CCDC149: variants seen among roughly 807,000 people sequenced by gnomAD.
The protein encoded by CCDC149 is coiled-coil domain-containing protein 149.
In CCDC149, 45 loss-of-function variants were observed where a neutral mutation model predicts 59.9. The observed-to-expected ratio is 0.75, with a 90% confidence interval of 0.59 to 0.96. CCDC149 has a LOEUF of 0.96. Ranked by LOEUF, CCDC149 falls within the 40% of genes least tolerant of loss-of-function variation. The pLI, the probability that CCDC149 is intolerant of heterozygous loss-of-function variation, is 0.00. For synonymous variants in CCDC149, 245 were observed against 260.6 expected, an observed-to-expected ratio of 0.94 and a Z score of 0.58; for missense variants, 584 against 664.7, an observed-to-expected ratio of 0.88 and a Z score of 1.33.
intron 3 of CCDC149, among the ~76,000 whole-genome samples, chr4:24,856,245 T>C (rs912057080): frequency 6.6e-6 from 1 of 152,228 alleles, no homozygotes; most frequent in African/African-American, 2.4e-5. Context: ...CAAATATTTA[T>C]TGGGCACCTG....
chr4:24,928,765 T>C (rs1722500756), intron 1 of CCDC149, among the ~76,000 whole-genome samples: 1 of 152,158 alleles, frequency 6.6e-6, no homozygotes, highest in Non-Finnish European at 1.5e-5. Flanking sequence ...GGTGCTGTCA[T>C]GGTCTTCACA....
At chr4:24,937,239 A>G (rs11938296) in intron 1 of CCDC149, among the ~76,000 whole-genome samples, 37,608 of 152,150 alleles carry the variant, frequency 0.25, 4,998 homozygotes, top group African/African-American at 0.35. Context: ...GGAGGGGTGG[A>G]AGGAGGTACA....
chr4:24,835,115 G>T, intron 7 of CCDC149, 83 bp from the exon 8 acceptor site: 1 of 890,058 alleles, frequency 1.1e-6, no homozygotes, highest in Non-Finnish European at 1.8e-6. Flanking sequence ...TCTCTCATCG[G>T]CCCACAAGAA....
chr4:24,938,559 G>T (rs1040114982), intron 1 of CCDC149, among the ~76,000 whole-genome samples: 20 of 152,186 alleles, frequency 1.3e-4, no homozygotes, highest in Non-Finnish European at 2.9e-5. Flanking sequence ...AGGACAGGGG[G>T]TGCAGTGCAC....
chr4:24,929,018 G>A (rs1722509328), intron 1 of CCDC149, among the ~76,000 whole-genome samples: 1 of 152,192 alleles, frequency 6.6e-6, no homozygotes, highest in South Asian at 2.1e-4. Context: ...TTTAAACAAA[G>A]AATCAGTGCC....
At chr4:24,890,128 T>C (rs1720444008) in intron 1 of CCDC149, among the ~76,000 whole-genome samples, 1 of 152,124 alleles carries the variant, frequency 6.6e-6, no homozygotes, top group Non-Finnish European at 1.5e-5. Context: ...GATGTGGGGT[T>C]TGCCACCATC....
intron 3 of CCDC149, among the ~76,000 whole-genome samples, chr4:24,860,340 C>A (rs1161978274): frequency 6.6e-6 from 1 of 151,968 alleles, no homozygotes; most frequent in Non-Finnish European, 1.5e-5. Context: ...ACATAAGGTA[C>A]GGAAAGGACA....
intron 1 of CCDC149, among the ~76,000 whole-genome samples, chr4:24,946,682 A>T (rs1723119104): frequency 6.6e-6 from 1 of 152,218 alleles, no homozygotes; most frequent in African/African-American, 2.4e-5. Flanking sequence ...CAGTCTAAGG[A>T]GTCCACAGTG....
chr4:24,954,937 C>G (rs957882610), intron 1 of CCDC149, among the ~76,000 whole-genome samples: 2 of 152,152 alleles, frequency 1.3e-5, no homozygotes, highest in African/African-American at 4.8e-5. Context: ...AAAATTTCTA[C>G]ATTCTGCTTC....
intron 1 of CCDC149, among the ~76,000 whole-genome samples, chr4:24,892,456 A>G (rs928697369): frequency 1.2e-4 from 19 of 152,238 alleles, no homozygotes; most frequent in Non-Finnish European, 5.9e-5. Context: ...GGATAACATC[A>G]GCACTGGTTG....
intron 1 of CCDC149, among the ~76,000 whole-genome samples, chr4:24,943,386 C>T (rs1229842364): frequency 4.0e-5 from 6 of 151,266 alleles, no homozygotes; most frequent in Non-Finnish European, 8.9e-5. Flanking sequence ...AAACTGGATC[C>T]CTTCCTTATA....
At chr4:24,972,364 G>A (rs1168246112) in intron 1 of CCDC149, among the ~76,000 whole-genome samples, 3 of 149,540 alleles carry the variant, frequency 2.0e-5, no homozygotes, top group Non-Finnish European at 2.9e-5. Context: ...CTGGAGTGCA[G>A]TGGTGCCATC....
intron 1 of CCDC149, among the ~76,000 whole-genome samples, chr4:24,979,737 G>C (rs969919641): frequency 1.3e-5 from 2 of 152,170 alleles, no homozygotes; most frequent in Admixed American, 6.5e-5. Context: ...GCATGGGATG[G>C]TGGCCAAGTT....
At chr4:24,869,439 A>C (rs555418661) in intron 3 of CCDC149, among the ~76,000 whole-genome samples, 292 of 152,274 alleles carry the variant, frequency 1.9e-3, no homozygotes, top group African/African-American at 6.7e-3. Flanking sequence ...CTGCTCAACC[A>C]ACTCTTCCCA....
intron 12 of CCDC149, among the ~76,000 whole-genome samples, chr4:24,813,735 C>A (rs2109092497): frequency 6.6e-6 from 1 of 151,996 alleles, no homozygotes; most frequent in Admixed American, 6.5e-5. Context: ...AACTTCTGAG[C>A]ATTTATTTAC....
intron 1 of CCDC149, among the ~76,000 whole-genome samples, chr4:24,907,500 A>C (rs1721602567): frequency 6.6e-6 from 1 of 152,176 alleles, no homozygotes; most frequent in Non-Finnish European, 1.5e-5. Flanking sequence ...TGAGTGATCT[A>C]AGTGGATTTA....
intron 12 of CCDC149, among the ~76,000 whole-genome samples, chr4:24,814,410 G>A (rs966142531): frequency 2.6e-5 from 4 of 152,114 alleles, no homozygotes; most frequent in African/African-American, 9.7e-5. Context: ...GCCAGGATGA[G>A]GTATGTTGGT....
At chr4:24,874,244 G>GTTGTTTTTTT (rs1719241446) in intron 2 of CCDC149, among the ~76,000 whole-genome samples, 2 of 87,488 alleles carry the variant, frequency 2.3e-5, no homozygotes, top group African/African-American at 1.2e-4. Context: ...TATTAGATTT[G>GTTGTTTTTTT]TTTTTTTTTT....
At chr4:24,833,376 T>C (rs902710122) in intron 8 of CCDC149, among the ~76,000 whole-genome samples, 2 of 152,270 alleles carry the variant, frequency 1.3e-5, no homozygotes, top group South Asian at 4.1e-4. Context: ...ATAATCCTAG[T>C]ACTCTGGGAA....
Sources: allele counts gnomAD v4.1 joint callset (sites outside exome capture counted in the v4.1 genomes callset), GRCh38; gene constraint gnomAD v4.1.1; transcripts MANE v1.5; gene names NCBI Gene and HGNC (gene_info 2026-07-23, HGNC 2026-07-21).